The following PAOX variants were observed in gnomAD, a reference collection of about 807,000 sequenced individuals.
The protein encoded by PAOX is polyamine oxidase, also known as peroxisomal N(1)-acetyl-spermine/spermidine oxidase.
In PAOX, 38 loss-of-function variants were observed where a neutral mutation model predicts 39.0. That is an observed-to-expected ratio of 0.97 (90% CI 0.75 to 1.28). The LOEUF (loss-of-function observed/expected upper bound fraction) is 1.28, where lower values mean the gene tolerates loss of function less well. Among genes scored for constraint, PAOX ranks in the 50% most tolerant of loss-of-function variants. The pLI, the probability that PAOX is intolerant of heterozygous loss-of-function variation, is 0.00. For missense variants in PAOX, 667 were observed against 685.7 expected (o/e 0.97, Z 0.30); for synonymous variants, 311 against 314.4 (o/e 0.99, Z 0.11).
rs1410696011 is a variant in PAOX at position 133,391,640 on chromosome 10, T to G, written c.*185T>G. The G allele has an allele frequency of 2.2e-6, 2 of 906,830 alleles. No individual in the cohort carries two copies. Among genetic ancestry groups the G allele is most frequent in the East Asian group, 2.7e-5 (1 of 37,142 alleles). 56.2% of individuals were successfully genotyped at this position (906,830 alleles called of 1,614,324 possible). A position where few individuals can be genotyped will look rare whatever the true frequency, so the allele number is the denominator to read the frequency against. ...GAGTCTGGCCAGGGTTGACTTGAGC[T>G]GAGACACCAGATGCTCACGGAGATG... is the stretch of plus-strand genomic sequence containing the variant. On this transcript the variant is annotated 3_prime_UTR_variant, in exon 7 of 7. Coordinates refer to ENST00000278060, the MANE Select transcript of PAOX (RefSeq NM_152911.4).
At chr10:133,386,018 CTT>C (rs60370984) in intron 4 of PAOX, among the ~76,000 whole-genome samples, 18 of 141,260 alleles carry the variant, frequency 1.3e-4, no homozygotes, top group Admixed American at 2.8e-4. Context: ...TTCTGCAAAA[CTT>C]TTTTTTTTTT....
In PAOX at chr10:133,389,673, G is replaced by C; in HGVS notation, c.1318G>C (p.Val440Leu). The change falls in exon 6 of 7, where the codon GTG becomes CTG. Residue 440 changes from valine to leucine, a missense_variant. Transcript: ENST00000278060. ...APYTRGSYSYVAVGSTGGDLD... is the reference protein window; with the variant it reads ...APYTRGSYSYLAVGSTGGDLD... ...GTACACTAGGGGGTCCTACAGCTAC[G>C]TGGCCGTGGGCAGTACTGGGGGCGA... is the stretch of plus-strand genomic sequence containing the variant. 6.2e-7 allele frequency: 1 copy of C among 1,612,332 alleles called. No individual in the cohort carries two copies. Among genetic ancestry groups the C allele is most frequent in the Non-Finnish European group, 8.5e-7 (1 of 1,179,326 alleles).
chr10:133,387,775 C>G (rs564631155), intron 4 of PAOX, among the ~76,000 whole-genome samples: 58 of 152,296 alleles, frequency 3.8e-4, no homozygotes, highest in African/African-American at 1.4e-3. Flanking sequence ...GGCTGGAGAG[C>G]AGTGGCGCGA....
intron 3 of PAOX, among the ~76,000 whole-genome samples, chr10:133,382,389 C>A (rs964588380): frequency 1.3e-5 from 2 of 152,228 alleles, no homozygotes; most frequent in Non-Finnish European, 2.9e-5. Context: ...GCAGCCCTAA[C>A]TCCTGTCTCC....
intron 2 of PAOX, 31 bp from the exon 3 acceptor site, chr10:133,381,429 C>T (rs773522609): frequency 6.2e-7 from 1 of 1,606,096 alleles, no homozygotes; most frequent in South Asian, 1.1e-5. Flanking sequence ...GGGACTGGGC[C>T]TCTACGAAAC....
chr10:133,382,896 T>C (rs998411953), intron 3 of PAOX: 1 of 152,192 alleles, frequency 6.6e-6, no homozygotes, highest in Admixed American at 6.5e-5. Context: ...TCTACAGCGG[T>C]CTTTTTTGTT....
At chr10:133,391,237 C>CAT in intron 6 of PAOX, 75 bp from the exon 7 acceptor site, 1 of 1,455,700 alleles carries the variant, frequency 6.9e-7, no homozygotes. Flanking sequence ...GCTTGTGAGC[C>CAT]ATTTTCTGTG....
Position 133,379,506 on chromosome 10 carries a change from C to G in PAOX, c.181+9C>G, listed in dbSNP as rs914095425. 9 of 1,225,534 alleles carry G rather than the reference C, an allele frequency of 7.3e-6. No individual in the cohort carries two copies. Among genetic ancestry groups the G allele is most frequent in the South Asian group, 4.1e-5 (1 of 24,110 alleles). 75.9% of individuals were successfully genotyped at this position (1,225,534 alleles called of 1,614,324 possible). A position where few individuals can be genotyped will look rare whatever the true frequency, so the allele number is the denominator to read the frequency against. On this transcript the variant is annotated intron_variant, in intron 1 of 6. Coordinates refer to ENST00000278060, the MANE Select transcript of PAOX (RefSeq NM_152911.4). ...CTCGGAGCGCTGCTTCGGTAACCGC[C>G]CCTCCCGGAGCCCCTCCCGGAACCC...
rs915602366 is a variant in PAOX, at chr10:133,391,492, G to A, written c.*37G>A. The A allele has an allele frequency of 1.9e-6, 3 of 1,574,036 alleles. No individual in the cohort carries two copies. The African/African-American group carries it at 4.1e-5, about 21-fold the overall frequency. On this transcript the variant is annotated 3_prime_UTR_variant, in exon 7 of 7. Transcript: ENST00000278060. ...CTACTCTGTTCCACCCGTGTCGGGGGTAGGCTGGGACCCTCATTTCTTCTG... is the reference window on the plus strand; with the variant it reads ...CTACTCTGTTCCACCCGTGTCGGGGATAGGCTGGGACCCTCATTTCTTCTG...
chr10:133,383,020 T>C (rs1011760382), intron 3 of PAOX: 1 of 151,928 alleles, frequency 6.6e-6, no homozygotes, highest in South Asian at 2.1e-4. Flanking sequence ...GAGCATTTTG[T>C]TTATAAGGAG....
In PAOX at chr10:133,391,487, C is replaced by T. The variant is rs139461857; in HGVS notation, c.*32C>T. ...CCAGCCTACTCTGTTCCACCCGTGT[C>T]GGGGGTAGGCTGGGACCCTCATTTC... On this transcript the variant is annotated 3_prime_UTR_variant, in exon 7 of 7. Coordinates refer to ENST00000278060, the MANE Select transcript of PAOX (RefSeq NM_152911.4). The T allele has an allele frequency of 4.5e-4, 712 of 1,577,916 alleles. 6 individuals carry two copies. In the African/African-American group the frequency reaches 7.6e-3, roughly 17 times the overall value.
At chr10:133,385,888 A>G (rs1849518488) in intron 4 of PAOX, among the ~76,000 whole-genome samples, 1 of 151,966 alleles carries the variant, frequency 6.6e-6, no homozygotes, top group Non-Finnish European at 1.5e-5. Flanking sequence ...CAGTCACCAC[A>G]TGATAAATTA....
At chr10:133,389,179 A>G (rs1849604013) in intron 5 of PAOX, 111 bp downstream of exon 5, 2 of 842,732 alleles carry the variant, frequency 2.4e-6, no homozygotes, top group African/African-American at 1.7e-5. Flanking sequence ...CTGACTCTGT[A>G]CATCTCCAGG....
At chr10:133,391,183 C>A in intron 6 of PAOX, 129 bp from the exon 7 acceptor site, 1 of 916,762 alleles carries the variant, frequency 1.1e-6, no homozygotes, top group Non-Finnish European at 1.8e-6. Flanking sequence ...TTTTCTCGTC[C>A]GTTGGTGGAG....
chr10:133,391,039 C>A (rs1167143203), intron 6 of PAOX: 1 of 701,812 alleles, frequency 1.4e-6, no homozygotes, highest in South Asian at 1.5e-5. Flanking sequence ...GCGTGTGAGC[C>A]GTTTTCCCGC....
intron 4 of PAOX, among the ~76,000 whole-genome samples, chr10:133,387,733 T>A (rs1003611381): frequency 5.9e-5 from 9 of 152,266 alleles, no homozygotes; most frequent in Admixed American, 5.9e-4. Context: ...ATTATTATTA[T>A]TTTTTGAGAT....
At position 133,381,547 on chromosome 10, in the gene PAOX, G is replaced by A. The variant is rs771998301; in HGVS notation, c.756G>A (p.Trp252Ter). 1.3e-5 allele frequency: 21 copies of A among 1,613,712 alleles called. No individual in the cohort carries two copies. Among genetic ancestry groups the A allele is most frequent in the Non-Finnish European group, 1.6e-5 (19 of 1,180,048 alleles). ...AGAAGCCTGTGAAGACCATCCACTG[G>A]AACGGGTCCTTCCAGGAGGCAGCCT... ...VFEKPVKTIH[W>*]NGSFQEAAFP... is the part of the protein sequence containing the mutation. Residue 252 changes from tryptophan to a stop codon, truncating the protein, a stop_gained, in exon 3 of 7, where the codon TGG (tryptophan) becomes TGA (stop). Coordinates refer to ENST00000278060, the MANE Select transcript of PAOX (RefSeq NM_152911.4). LOFTEE classifies it high-confidence loss of function.
chr10:133,379,986 T>G lies in PAOX; in HGVS notation c.182-13T>G. The G allele has an allele frequency of 1.3e-6, 2 of 1,507,488 alleles. No homozygotes were observed. The highest frequency in any genetic ancestry group is 1.8e-6 in the Non-Finnish European group (2 of 1,134,312). 93.4% of individuals were successfully genotyped at this position (1,507,488 alleles called of 1,614,324 possible). ...AAAGGGACCTCCAGGTGGCATCTGC[T>G]GTCCCCTCGCAGGTGGCGTGGTGGA... On this transcript the variant is annotated splice_polypyrimidine_tract_variant and intron_variant, in intron 1 of 6. Coordinates refer to ENST00000278060, the MANE Select transcript of PAOX (RefSeq NM_152911.4).
intron 3 of PAOX, among the ~76,000 whole-genome samples, chr10:133,382,018 G>C (rs1330414364): frequency 1.3e-5 from 2 of 152,172 alleles, no homozygotes; most frequent in Admixed American, 6.5e-5. Context: ...AAGGAGCCGT[G>C]TGTATAATTC....
Sources: gnomAD v4.1 joint callset for allele counts (sites outside exome capture counted in the v4.1 genomes callset) on GRCh38, gnomAD v4.1.1 for gene constraint, MANE v1.5 for transcripts, NCBI Gene and HGNC (gene_info 2026-07-23, HGNC 2026-07-21) for gene names.